PCDH15: variants seen among roughly 807,000 people sequenced by gnomAD.
PCDH15 encodes the protein protocadherin-15.
PCDH15 carries 129 observed loss-of-function variants against 178.5 expected under a neutral mutation model. The observed-to-expected ratio is 0.72, with a 90% CI of 0.63 to 0.84. The LOEUF is 0.84. Among genes scored for constraint, PCDH15 ranks in the 40% least tolerant of loss-of-function variants. The pLI is 0.00. For synonymous variants in PCDH15, 800 were observed against 732.0 expected (o/e 1.09, Z -1.50); for missense variants, 2,230 against 2,099.9 (o/e 1.06, Z -1.21).
chr10:53,827,793 T>A (rs989937677), intron 31 of PCDH15, among the ~76,000 whole-genome samples: 12 of 152,136 alleles, frequency 7.9e-5, no homozygotes, highest in Non-Finnish European at 1.8e-4. Context: ...AGCAGACATA[T>A]TTGCAAATTA....
chr10:54,656,146 G>A (rs2094402011), intron 2 of PCDH15: 1 of 152,020 alleles, frequency 6.6e-6, no homozygotes, highest in Admixed American at 6.6e-5. Context: ...TTCCAACATG[G>A]TTGACTGACT....
At chr10:54,950,316 T>C (rs952909896) in intron 2 of PCDH15, among the ~76,000 whole-genome samples, 2 of 151,990 alleles carry the variant, frequency 1.3e-5, no homozygotes, top group African/African-American at 4.8e-5. Context: ...CCAAATCTCA[T>C]CTTGTAGCTC....
At chr10:54,668,462 G>A (rs746083917) in intron 1 of PCDH15, among the ~76,000 whole-genome samples, 1 of 151,994 alleles carries the variant, frequency 6.6e-6, no homozygotes, top group Non-Finnish European at 1.5e-5. Flanking sequence ...TAACTATTCC[G>A]ACAACCCTGA....
At chr10:54,812,605 C>T (rs1378965098) in intron 3 of PCDH15, among the ~76,000 whole-genome samples, 2 of 151,994 alleles carry the variant, frequency 1.3e-5, no homozygotes, top group Non-Finnish European at 1.5e-5. Context: ...ACTACAGGGT[C>T]CCACCACCAT....
intron 26 of PCDH15, among the ~76,000 whole-genome samples, chr10:53,872,482 G>A (rs1029059133): frequency 1.3e-5 from 2 of 152,122 alleles, no homozygotes; most frequent in South Asian, 2.1e-4. Context: ...CAGGGTTTAT[G>A]TCCCTTTCTG....
intron 2 of PCDH15, among the ~76,000 whole-genome samples, chr10:54,964,464 A>G (rs930060837): frequency 7.9e-5 from 12 of 152,184 alleles, no homozygotes; most frequent in African/African-American, 2.4e-4. Context: ...AGGAAACTGT[A>G]TCAGCCTGGA....
intron 2 of PCDH15, among the ~76,000 whole-genome samples, chr10:55,561,011 T>C (rs1261526457): frequency 1.3e-5 from 2 of 151,860 alleles, no homozygotes; most frequent in Non-Finnish European, 2.9e-5. Flanking sequence ...ACAAATTCAA[T>C]AATTCATTTA....
chr10:54,570,815 C>A (rs1420784507), intron 2 of PCDH15, among the ~76,000 whole-genome samples: 1 of 15,880 alleles, frequency 6.3e-5, no homozygotes, highest in Non-Finnish European at 3.6e-4. Flanking sequence ...CCACGCCTGG[C>A]TATTTTTTTT....
intron 1 of PCDH15, among the ~76,000 whole-genome samples, chr10:55,246,093 T>A (rs1011916959): frequency 2.6e-5 from 4 of 152,234 alleles, no homozygotes; most frequent in African/African-American, 9.6e-5. Context: ...ATAGGTCTTT[T>A]ATCACTATTT....
intron 2 of PCDH15, among the ~76,000 whole-genome samples, chr10:55,556,707 C>T (rs894063277): frequency 2.6e-5 from 4 of 151,932 alleles, no homozygotes; most frequent in Admixed American, 1.3e-4. Flanking sequence ...GATGTGGTGG[C>T]GCGTGTGCGT....
intron 15 of PCDH15, among the ~76,000 whole-genome samples, chr10:54,126,836 T>C (rs1168057214): frequency 6.6e-6 from 1 of 152,126 alleles, no homozygotes; most frequent in African/African-American, 2.4e-5. Context: ...CATATTATTC[T>C]TTAATTTTTG....
rs978353668 is a variant in PCDH15 at position 55,334,365 on chromosome 10, T to C, written c.-155-167714A>G. Among the ~76,000 whole-genome samples the C allele has an allele frequency of 6.1e-5, 9 of 148,666 alleles. No homozygotes were observed. The South Asian group carries it at 1.3e-3, about 21-fold the overall frequency. ...TCTTGTTGCCCAGGCTGGAGTGCAA[T>C]GGCGTGATCTCGGCTCACCGCAACC... On this transcript the variant is annotated intron_variant, in intron 2 of 5. Coordinates refer to the PCDH15 transcript ENST00000613346.
chr10:54,413,711 A>G (rs1953901550), intron 3 of PCDH15, among the ~76,000 whole-genome samples: 1 of 152,188 alleles, frequency 6.6e-6, no homozygotes, highest in Non-Finnish European at 1.5e-5. Flanking sequence ...CATCATTTAA[A>G]AAAATGAGAA....
intron 25 of PCDH15, among the ~76,000 whole-genome samples, chr10:53,908,729 T>C (rs2082855171): frequency 6.6e-6 from 1 of 152,258 alleles, no homozygotes; most frequent in Non-Finnish European, 1.5e-5. Flanking sequence ...GAAAGGACTG[T>C]GCTTTTCTTA....
intron 21 of PCDH15, among the ~76,000 whole-genome samples, chr10:53,988,209 C>G (rs983915729): frequency 6.6e-6 from 1 of 152,110 alleles, no homozygotes; most frequent in Non-Finnish European, 1.5e-5. Flanking sequence ...CAACCTTAGC[C>G]TCACACTGCC....
intron 21 of PCDH15, among the ~76,000 whole-genome samples, chr10:53,982,628 C>T (rs1326440210): frequency 1.5e-5 from 2 of 133,480 alleles, no homozygotes; most frequent in Non-Finnish European, 3.0e-5. Flanking sequence ...AATGAGAACA[C>T]ATGGACACAG....
intron 2 of PCDH15, among the ~76,000 whole-genome samples, chr10:55,419,468 T>G (rs1589009085): frequency 1.3e-5 from 2 of 151,838 alleles, no homozygotes; most frequent in East Asian, 1.9e-4. Flanking sequence ...GAGGAGAGAT[T>G]GTTTGTATTT....
intron 2 of PCDH15, among the ~76,000 whole-genome samples, chr10:55,028,696 C>T (rs1371129280): frequency 3.3e-5 from 5 of 151,908 alleles, no homozygotes; most frequent in African/African-American, 1.2e-4. Context: ...AAGATGCAAC[C>T]ATATTCATGT....
chr10:54,436,098 G>A (rs1182005962), intron 3 of PCDH15, among the ~76,000 whole-genome samples: 1 of 144,232 alleles, frequency 6.9e-6, no homozygotes, highest in Non-Finnish European at 1.5e-5. Flanking sequence ...AAGGAGGGAA[G>A]GAGGGAAGGA....
Sources: gnomAD v4.1 joint callset for allele counts (sites outside exome capture counted in the v4.1 genomes callset) on GRCh38, gnomAD v4.1.1 for gene constraint, MANE v1.5 for transcripts, NCBI Gene and HGNC (gene_info 2026-07-23, HGNC 2026-07-21) for gene names.